Variants in PPP6R2 observed in about 807,000 individuals in gnomAD.
PPP6R2 encodes protein phosphatase 6 regulatory subunit 2.
Under a neutral mutation model 100.2 loss-of-function variants are expected in PPP6R2, and 62 were observed. The observed-to-expected ratio is 0.62, with a 90% CI of 0.50 to 0.76. The LOEUF is 0.76. Among genes scored for constraint, PPP6R2 ranks in the 30% least tolerant of loss-of-function variants. The pLI, the probability that PPP6R2 is intolerant of heterozygous loss-of-function variation, is 0.00. For missense variants in PPP6R2, 1,142 were observed against 1,276.3 expected (o/e 0.89, Z 1.60); for synonymous variants, 525 against 514.7 (o/e 1.02, Z -0.27).
At chr22:50,392,497 G>A (rs566061759) in intron 2 of PPP6R2, among the ~76,000 whole-genome samples, 49 of 152,344 alleles carry the variant, frequency 3.2e-4, no homozygotes, top group African/African-American at 9.6e-4. Context: ...GGCAGTGCCC[G>A]CCCAGTGGTG....
the PPP6R2 span, among the ~76,000 whole-genome samples, chr22:50,338,096 G>GGT: frequency 6.9e-6 from 1 of 145,532 alleles, no homozygotes; most frequent in African/African-American, 2.5e-5. Flanking sequence ...TAGTGTGTGT[G>GGT]GTGTGTGGTA....
chr22:50,339,828 A>G (rs1329272196), upstream of PPP6R2, among the ~76,000 whole-genome samples: 31 of 15,908 alleles, frequency 1.9e-3, no homozygotes, highest in South Asian at 5.2e-3. Context: ...TGGGGTATGT[A>G]GTGTGTGTGG....
chr22:50,352,747 A>C (rs1012955443), intron 1 of PPP6R2, among the ~76,000 whole-genome samples: 28 of 151,756 alleles, frequency 1.8e-4, no homozygotes, highest in South Asian at 1.0e-3. Context: ...AAACAAAAAA[A>C]AAAAACACAC....
intron 1 of PPP6R2, among the ~76,000 whole-genome samples, chr22:50,370,567 G>A (rs145422594): frequency 0.018 from 2,712 of 152,144 alleles, 42 homozygotes; most frequent in Non-Finnish European, 0.024. Flanking sequence ...GATTACAGGC[G>A]TGAGCCACCA....
At chr22:50,352,794 C>T (rs942624112) in intron 1 of PPP6R2, among the ~76,000 whole-genome samples, 7 of 151,824 alleles carry the variant, frequency 4.6e-5, no homozygotes, top group Admixed American at 6.6e-5. Context: ...AGGCTAGGCA[C>T]GGTTGCGCAC....
Position 50,437,084 on chromosome 22 carries a change from GC to G in PPP6R2, c.1683+17del. 6.4e-7 allele frequency: 1 copy of G among 1,551,340 alleles called. No homozygotes were observed. The highest frequency in any genetic ancestry group is 8.7e-7 in the Non-Finnish European group (1 of 1,147,546). Reference sequence around the variant, plus strand: ...CCTTCAGCAGGTGAGGGCGTGGCCGGCACCTGCACCCTGCCGGGCCCTTCCC... The same window carrying G: ...CCTTCAGCAGGTGAGGGCGTGGCCGGACCTGCACCCTGCCGGGCCCTTCCC... On this transcript the variant is annotated intron_variant, in intron 15 of 23. Coordinates refer to ENST00000612753, the MANE Select transcript of PPP6R2 (RefSeq NM_001242898.2).
intron 1 of PPP6R2, among the ~76,000 whole-genome samples, chr22:50,346,674 T>G: frequency 7.9e-6 from 1 of 125,840 alleles, no homozygotes; most frequent in Non-Finnish European, 1.6e-5. Flanking sequence ...CAAGTCATGC[T>G]CCTCCTGTCG....
Position 50,393,977 on chromosome 22 carries a change from G to A in PPP6R2, c.69G>A (p.Thr23=), listed in dbSNP as rs756157196. Reference sequence around the variant, plus strand: ...AGCTGCTGGACAAGGAGCATGTGACGCTGCAGGAGTTAATGGATGAAGATG... The same window carrying A: ...AGCTGCTGGACAAGGAGCATGTGACACTGCAGGAGTTAATGGATGAAGATG... The part of the protein sequence containing the change: ...VDKLLDKEHV[T]LQELMDEDDI... Residue 23 remains threonine, a synonymous_variant, in exon 3 of 24, where the codon ACG becomes ACA. Transcript: ENST00000612753. The A allele has an allele frequency of 3.8e-5, 61 of 1,614,064 alleles. No homozygotes were observed. Among genetic ancestry groups the A allele is most frequent in the Non-Finnish European group, 9.3e-6 (11 of 1,180,048 alleles).
At chr22:50,385,738 A>G (rs1014327568) in intron 2 of PPP6R2, among the ~76,000 whole-genome samples, 1 of 140,082 alleles carries the variant, frequency 7.1e-6, no homozygotes, top group African/African-American at 2.7e-5. Context: ...CTGGTCTTGA[A>G]CTCCTGACCT....
chr22:50,443,754 G>A, intron 22 of PPP6R2, 112 bp from the exon 23 acceptor site: 3 of 1,420,968 alleles, frequency 2.1e-6, no homozygotes, highest in Non-Finnish European at 2.8e-6. Flanking sequence ...AGGGGCCAAA[G>A]ATGGTGCTCC....
At chr22:50,386,435 C>T (rs1411417416) in intron 2 of PPP6R2, among the ~76,000 whole-genome samples, 1 of 152,176 alleles carries the variant, frequency 6.6e-6, no homozygotes, top group Non-Finnish European at 1.5e-5. Flanking sequence ...GCCACTACGC[C>T]CGGCCTTAAG....
chr22:50,369,631 A>G (rs1158240667), intron 1 of PPP6R2, among the ~76,000 whole-genome samples: 1 of 152,070 alleles, frequency 6.6e-6, no homozygotes, highest in African/African-American at 2.4e-5. Flanking sequence ...CTCTTGCCTC[A>G]GCCTCCTGAG....
Position 50,399,924 on chromosome 22 carries a change from G to A in PPP6R2, c.227+5789G>A, listed in dbSNP as rs536952905. ...GCCTGGGGATGCTCCTGGTCTTTTC[G>A]TGAGCTCTTGTCTAGTTTGCTTGCC... On this transcript the variant is annotated intron_variant, in intron 3 of 23. Transcript: ENST00000612753. Among the ~76,000 whole-genome samples, 5 of 152,392 alleles carry A rather than the reference G, an allele frequency of 3.3e-5. No individual in the cohort carries two copies. The South Asian group carries it at 8.3e-4, about 25-fold the overall frequency.
chr22:50,400,591 G>A (rs1475975349), intron 3 of PPP6R2, among the ~76,000 whole-genome samples: 1 of 152,180 alleles, frequency 6.6e-6, no homozygotes, highest in Admixed American at 6.5e-5. Context: ...TCCCAGTAAT[G>A]TGGAATTATT....
At chr22:50,331,324 G>A in the PPP6R2 span, among the ~76,000 whole-genome samples, 2 of 152,060 alleles carry the variant, frequency 1.3e-5, no homozygotes, top group Non-Finnish European at 2.9e-5. Context: ...AGATATGTAG[G>A]AGTGAAAGTA....
chr22:50,394,817 G>A (rs2056418650), intron 3 of PPP6R2, among the ~76,000 whole-genome samples: 1 of 150,570 alleles, frequency 6.6e-6, no homozygotes, highest in Non-Finnish European at 1.5e-5. Context: ...AGGAGGCTGA[G>A]GCAGGAGGTT....
chr22:50,339,618 ATG>A (rs2042346528), upstream of PPP6R2, among the ~76,000 whole-genome samples: 1 of 66,056 alleles, frequency 1.5e-5, no homozygotes, highest in Admixed American at 1.8e-4. Context: ...TGTGTGTGGT[ATG>A]TAGTGTGTGT....
chr22:50,338,677 TGTA>T (rs1313564446), upstream of PPP6R2, among the ~76,000 whole-genome samples: 5 of 143,158 alleles, frequency 3.5e-5, no homozygotes, highest in African/African-American at 1.3e-4. Flanking sequence ...GTGGTGTGTG[TGTA>T]GTATGTGGTG....
chr22:50,442,325 CCT>C (rs2065849644), intron 22 of PPP6R2, among the ~76,000 whole-genome samples: 1 of 152,224 alleles, frequency 6.6e-6, no homozygotes, highest in African/African-American at 2.4e-5. Context: ...CTCTCCCCGC[CCT>C]GTTGACCAGC....
Sources: gnomAD v4.1 joint callset for allele counts (sites outside exome capture counted in the v4.1 genomes callset) on GRCh38, gnomAD v4.1.1 for gene constraint, MANE v1.5 for transcripts, NCBI Gene and HGNC (gene_info 2026-07-23, HGNC 2026-07-21) for gene names.